SLC25A21: variants seen among roughly 807,000 people sequenced by gnomAD.
SLC25A21 encodes the protein mitochondrial 2-oxodicarboxylate carrier.
Under a neutral mutation model 43.8 loss-of-function variants are expected in SLC25A21, and 47 were observed. The observed-to-expected ratio is 1.07, with a 90% CI of 0.85 to 1.37. The LOEUF (loss-of-function observed/expected upper bound fraction) is 1.37. SLC25A21 is among the 40% of genes most tolerant of loss of function. The probability of loss-of-function intolerance (pLI) is 0.00; values close to 1 mark genes in which losing one functional copy is unlikely to be tolerated. For missense variants in SLC25A21, 352 were observed against 350.2 expected, an observed-to-expected ratio of 1.00 and a Z score of -0.04; for synonymous variants, 131 against 121.3, an observed-to-expected ratio of 1.08 and a Z score of -0.52.
At chr14:37,102,960 A>G (rs1343840555) in intron 1 of SLC25A21, among the ~76,000 whole-genome samples, 1 of 151,926 alleles carries the variant, frequency 6.6e-6, no homozygotes, top group Admixed American at 6.6e-5. Context: ...ACTGCACTCC[A>G]GCCTAGGCAA....
chr14:37,058,326 T>G (rs1472052383), intron 1 of SLC25A21, among the ~76,000 whole-genome samples: 1 of 152,224 alleles, frequency 6.6e-6, no homozygotes, highest in African/African-American at 2.4e-5. Context: ...TTGGAAGATT[T>G]CAGGTTGTTA....
At chr14:37,033,951 C>T (rs1474157604) in intron 1 of SLC25A21, among the ~76,000 whole-genome samples, 2 of 151,762 alleles carry the variant, frequency 1.3e-5, no homozygotes, top group Non-Finnish European at 2.9e-5. Context: ...ACTTGTGTTC[C>T]ATTTAGCAAT....
intron 3 of SLC25A21, among the ~76,000 whole-genome samples, chr14:36,791,160 A>T (rs985119751): frequency 3.9e-5 from 6 of 152,098 alleles, no homozygotes; most frequent in African/African-American, 1.4e-4. Context: ...TCAGAGAGAA[A>T]ATTATGCTGT....
chr14:37,033,974 TCCCAAATGGCA>T (rs1157786453), intron 1 of SLC25A21, among the ~76,000 whole-genome samples: 2 of 152,168 alleles, frequency 1.3e-5, no homozygotes, highest in East Asian at 3.9e-4. Context: ...GGAATAAGGT[TCCCAAATGGCA>T]CTATGATATT....
At chr14:36,968,620 T>C (rs1959674680) in intron 1 of SLC25A21, among the ~76,000 whole-genome samples, 1 of 152,182 alleles carries the variant, frequency 6.6e-6, no homozygotes, top group African/African-American at 2.4e-5. Context: ...TAAATTTCAC[T>C]GACCCTTAGA....
At chr14:36,947,057 A>T (rs1173003881) in intron 1 of SLC25A21, among the ~76,000 whole-genome samples, 1 of 152,202 alleles carries the variant, frequency 6.6e-6, no homozygotes, top group Non-Finnish European at 1.5e-5. Context: ...TTTCTAAGTC[A>T]TCAACTACTT....
intron 1 of SLC25A21, among the ~76,000 whole-genome samples, chr14:37,042,047 G>A (rs986489492): frequency 3.3e-5 from 5 of 152,142 alleles, no homozygotes; most frequent in Non-Finnish European, 7.4e-5. Context: ...AGTGCTTCCC[G>A]TGTAAGTTTT....
At chr14:36,921,339 A>T (rs1262694793) in intron 1 of SLC25A21, among the ~76,000 whole-genome samples, 2 of 152,172 alleles carry the variant, frequency 1.3e-5, no homozygotes, top group African/African-American at 2.4e-5. Flanking sequence ...GCATATATTG[A>T]GCACTTTGTA....
At chr14:36,866,518 T>G (rs1890218707) in intron 2 of SLC25A21, among the ~76,000 whole-genome samples, 1 of 152,160 alleles carries the variant, frequency 6.6e-6, no homozygotes, top group African/African-American at 2.4e-5. Flanking sequence ...CCTTGGGGTT[T>G]TCGAATGCCA....
At chr14:37,068,360 A>T (rs1001967474) in intron 1 of SLC25A21, among the ~76,000 whole-genome samples, 1 of 152,230 alleles carries the variant, frequency 6.6e-6, no homozygotes, top group Admixed American at 6.5e-5. Flanking sequence ...ATTCACACAA[A>T]GTTCTCTGTG....
intron 2 of SLC25A21, among the ~76,000 whole-genome samples, chr14:36,832,122 G>A (rs904490890): frequency 1.2e-4 from 18 of 152,084 alleles, no homozygotes; most frequent in Non-Finnish European, 2.2e-4. Context: ...AGAAATGGCC[G>A]GTTTCTCAGG....
chr14:37,020,493 C>G (rs1003887189), intron 1 of SLC25A21, among the ~76,000 whole-genome samples: 1 of 150,786 alleles, frequency 6.6e-6, no homozygotes, highest in African/African-American at 2.4e-5. Context: ...TGATTTGACT[C>G]CAAATTCCAC....
intron 1 of SLC25A21, among the ~76,000 whole-genome samples, chr14:37,110,205 TCTA>T (rs1221140756): frequency 6.6e-6 from 1 of 152,312 alleles, no homozygotes; most frequent in East Asian, 1.9e-4. Context: ...CCTCTGAACT[TCTA>T]CTACTTATGT....
intron 1 of SLC25A21, among the ~76,000 whole-genome samples, chr14:37,122,945 C>A (rs1963234981): frequency 6.6e-6 from 1 of 152,186 alleles, no homozygotes; most frequent in Admixed American, 6.5e-5. Flanking sequence ...CAATTTGCTA[C>A]TATATCTTAG....
intron 3 of SLC25A21, among the ~76,000 whole-genome samples, chr14:36,750,498 T>C (rs1428806988): frequency 6.6e-6 from 1 of 152,204 alleles, no homozygotes; most frequent in Non-Finnish European, 1.5e-5. Context: ...CACCTGGTCT[T>C]ATTCTCCTGG....
intron 1 of SLC25A21, among the ~76,000 whole-genome samples, chr14:36,967,539 G>A (rs80318950): frequency 0.01 from 1,530 of 152,242 alleles, 23 homozygotes; most frequent in African/African-American, 0.035. Flanking sequence ...CCCAAAACGC[G>A]GGCTTGCTAA....
At chr14:36,744,436 GA>G (rs1465047391) in intron 3 of SLC25A21, among the ~76,000 whole-genome samples, 1 of 152,058 alleles carries the variant, frequency 6.6e-6, no homozygotes, top group African/African-American at 2.4e-5. Context: ...ATATATTGGG[GA>G]AAGGATACTC....
At chr14:36,784,276 G>C (rs1015764520) in intron 3 of SLC25A21, among the ~76,000 whole-genome samples, 2 of 152,178 alleles carry the variant, frequency 1.3e-5, no homozygotes, top group Admixed American at 6.5e-5. Flanking sequence ...TTTACATCAG[G>C]CTTGCTATGC....
chr14:37,099,385 T>C (rs1464413442), intron 1 of SLC25A21, among the ~76,000 whole-genome samples: 1 of 152,176 alleles, frequency 6.6e-6, no homozygotes, highest in African/African-American at 2.4e-5. Flanking sequence ...TTAATCCATA[T>C]GCTTCTGAGT....
Sources: gnomAD v4.1 joint callset for allele counts (sites outside exome capture counted in the v4.1 genomes callset) on GRCh38, gnomAD v4.1.1 for gene constraint, MANE v1.5 for transcripts, NCBI Gene and HGNC (gene_info 2026-07-23, HGNC 2026-07-21) for gene names.